PDE1C: variants seen among roughly 807,000 people sequenced by gnomAD.
PDE1C encodes phosphodiesterase 1C, also known as dual specificity calcium/calmodulin-dependent 3',5'-cyclic nucleotide phosphodiesterase 1C.
PDE1C carries 62 observed loss-of-function variants against 93.1 expected under a neutral mutation model. The observed-to-expected ratio is 0.67, with a 90% CI of 0.54 to 0.82. PDE1C has a LOEUF of 0.82. Among genes scored for constraint, PDE1C ranks in the 40% least tolerant of loss-of-function variants. The probability of loss-of-function intolerance (pLI) is 0.00; values close to 1 mark genes in which losing one functional copy is unlikely to be tolerated. For synonymous variants in PDE1C, 325 were observed against 310.1 expected, an observed-to-expected ratio of 1.05 and a Z score of -0.50; for missense variants, 742 against 884.6, an observed-to-expected ratio of 0.84 and a Z score of 2.04.
chr7:31,861,232 C>G (rs1279245149), intron 7 of PDE1C, among the ~76,000 whole-genome samples: 1 of 152,144 alleles, frequency 6.6e-6, no homozygotes, highest in Non-Finnish European at 1.5e-5. Flanking sequence ...TGGTTTATAC[C>G]CCATGTCACT....
chr7:32,365,256 C>T (rs1784208612), intron 1 of PDE1C, among the ~76,000 whole-genome samples: 1 of 152,138 alleles, frequency 6.6e-6, no homozygotes, highest in Non-Finnish European at 1.5e-5. Flanking sequence ...CCCTCGTGGG[C>T]AAATCTCCAA....
intron 2 of PDE1C, among the ~76,000 whole-genome samples, chr7:31,959,738 C>T (rs1808655780): frequency 6.6e-6 from 1 of 152,096 alleles, no homozygotes; most frequent in Non-Finnish European, 1.5e-5. Context: ...TATTATGCTT[C>T]TTAAGGAGGA....
chr7:31,805,025 T>C (rs1055495717), intron 16 of PDE1C, among the ~76,000 whole-genome samples: 1 of 151,748 alleles, frequency 6.6e-6, no homozygotes, highest in Non-Finnish European at 1.5e-5. Flanking sequence ...TGAGTTTTTC[T>C]CATGATAGTA....
Position 31,820,098 on chromosome 7 carries a change from T to C in PDE1C, c.1582+2975A>G, listed in dbSNP as rs1380102478. On this transcript the variant is annotated intron_variant, in intron 14 of 17. Transcript: ENST00000396191. ...GAGAAAAATATGTAAACGAATCATA[T>C]ACTGTAAATCTAAATATTCAGTATC... Among the ~76,000 whole-genome samples, 4 of 152,102 alleles carry C rather than the reference T, an allele frequency of 2.6e-5. No homozygotes were observed. In the South Asian group the frequency reaches 8.3e-4, roughly 31 times the overall value.
rs1465623837 is a variant in PDE1C, at chr7:31,831,510, AC to A, written c.1204-3138del. ...CACACACATGCACGCACACACACAC[AC>A]ACACACACGCACATACACACCGCTT... On this transcript the variant is annotated intron_variant, in intron 11 of 17. Transcript: ENST00000396191. 3.0e-4 allele frequency among the ~76,000 whole-genome samples: 46 copies of A among 151,960 alleles called. 1 individual carries two copies. Among genetic ancestry groups the A allele is most frequent in the South Asian group, 2.3e-3 (11 of 4,806 alleles).
intron 1 of PDE1C, among the ~76,000 whole-genome samples, chr7:32,229,703 G>C (rs7803347): frequency 0.11 from 17,417 of 152,226 alleles, 1,041 homozygotes; most frequent in Middle Eastern, 0.15. Flanking sequence ...GAAGAATACA[G>C]GCCCAAAGAG....
intron 1 of PDE1C, among the ~76,000 whole-genome samples, chr7:32,274,766 GA>G (rs1811177372): frequency 1.3e-5 from 2 of 152,148 alleles, no homozygotes; most frequent in African/African-American, 4.8e-5. Context: ...ACTTTTCAAA[GA>G]AACTGAAATC....
intron 3 of PDE1C, among the ~76,000 whole-genome samples, chr7:32,122,811 A>G (rs1166125506): frequency 1.3e-5 from 2 of 152,218 alleles, no homozygotes; most frequent in Non-Finnish European, 2.9e-5. Flanking sequence ...AGAGCTAGAG[A>G]AGCAAGAGCA....
At chr7:31,616,990 C>G in the PDE1C span, among the ~76,000 whole-genome samples, 1 of 152,234 alleles carries the variant, frequency 6.6e-6, no homozygotes, top group East Asian at 1.9e-4. Flanking sequence ...TTGCCTGTTG[C>G]TTATATTCCA....
chr7:32,138,647 CA>C (rs1291036331), intron 3 of PDE1C, among the ~76,000 whole-genome samples: 1 of 152,096 alleles, frequency 6.6e-6, no homozygotes, highest in Non-Finnish European at 1.5e-5. Flanking sequence ...GGTTTGTGGG[CA>C]TTAATGAGTA....
chr7:32,117,437 GC>G (rs923059901), intron 3 of PDE1C, among the ~76,000 whole-genome samples: 10 of 152,250 alleles, frequency 6.6e-5, no homozygotes, highest in Admixed American at 3.3e-4. Flanking sequence ...ATAAAACTGA[GC>G]CCCCTAGCAG....
At chr7:32,340,207 C>T (rs1419008197) in intron 1 of PDE1C, among the ~76,000 whole-genome samples, 3 of 152,052 alleles carry the variant, frequency 2.0e-5, no homozygotes, top group African/African-American at 4.8e-5. Flanking sequence ...AGAGGTGGGG[C>T]AGTTATCGTC....
the PDE1C span, among the ~76,000 whole-genome samples, chr7:31,741,891 C>T: frequency 6.6e-6 from 1 of 152,202 alleles, no homozygotes; most frequent in Admixed American, 6.5e-5. Flanking sequence ...CCTGCAGCCT[C>T]CCCAGAGTTA....
intron 2 of PDE1C, among the ~76,000 whole-genome samples, chr7:31,892,385 G>T (rs1020717796): frequency 6.6e-6 from 1 of 152,160 alleles, no homozygotes; most frequent in African/African-American, 2.4e-5. Context: ...TCAGATGCTA[G>T]CAAATGGTCA....
intron 2 of PDE1C, among the ~76,000 whole-genome samples, chr7:31,975,584 T>C (rs1811561861): frequency 6.6e-6 from 1 of 151,976 alleles, no homozygotes; most frequent in African/African-American, 2.4e-5. Context: ...ATTTTATATA[T>C]ATATATATGA....
At chr7:32,000,250 G>C (rs959644878) in intron 2 of PDE1C, among the ~76,000 whole-genome samples, 1 of 152,180 alleles carries the variant, frequency 6.6e-6, no homozygotes, top group Non-Finnish European at 1.5e-5. Flanking sequence ...TCTCTTAAAA[G>C]GTGGGGTAAG....
chr7:32,393,169 G>C (rs1784783047), intron 1 of PDE1C, among the ~76,000 whole-genome samples: 1 of 149,180 alleles, frequency 6.7e-6, no homozygotes, highest in Non-Finnish European at 1.5e-5. Context: ...TACAAATAAT[G>C]AAAGATTTCC....
chr7:32,043,477 T>G lies in PDE1C; in HGVS notation c.128+8077A>C, dbSNP rs932334196. On this transcript the variant is annotated intron_variant, in intron 2 of 17. Transcript: ENST00000396191. ...ACAGTCCTGAAAATGCACTTCGGTC[T>G]TATTAGGCAATCTAAGAAACTTACT... 3.9e-5 allele frequency among the ~76,000 whole-genome samples: 6 copies of G among 152,324 alleles called. No individual in the cohort carries two copies. In the South Asian group the frequency reaches 6.2e-4, roughly 16 times the overall value.
intron 1 of PDE1C, among the ~76,000 whole-genome samples, chr7:32,405,965 T>C (rs1032952043): frequency 5.3e-5 from 8 of 152,180 alleles, no homozygotes; most frequent in African/African-American, 1.7e-4. Context: ...AATAAGTGAT[T>C]GTGCCGTGTA....
Sources: gnomAD v4.1 joint callset for allele counts (sites outside exome capture counted in the v4.1 genomes callset) on GRCh38, gnomAD v4.1.1 for gene constraint, MANE v1.5 for transcripts, NCBI Gene and HGNC (gene_info 2026-07-23, HGNC 2026-07-21) for gene names.